The following MMP26 variants were observed in gnomAD, a reference collection of about 807,000 sequenced individuals.
The protein encoded by MMP26 is matrix metallopeptidase 26.
Under a neutral mutation model 31.0 loss-of-function variants are expected in MMP26, and 33 were observed. That is an observed-to-expected ratio of 1.06 (90% CI 0.81 to 1.42). MMP26 has a LOEUF of 1.42. Among genes scored for constraint, MMP26 ranks in the 40% most tolerant of loss-of-function variants. The pLI is 0.00. For synonymous variants in MMP26, 122 were observed against 114.9 expected, an observed-to-expected ratio of 1.06 and a Z score of -0.40; for missense variants, 347 against 316.1, an observed-to-expected ratio of 1.10 and a Z score of -0.74.
rs965392196 is a variant in MMP26 at position 4,895,469 on chromosome 11, G to A, written c.-144-92599G>A. 5.9e-5 allele frequency among the ~76,000 whole-genome samples: 9 copies of A among 152,168 alleles called. No individual in the cohort carries two copies. The East Asian group carries it at 1.2e-3, about 20-fold the overall frequency. On this transcript the variant is annotated intron_variant, in intron 2 of 7. Transcript: ENST00000380390. ...TGTTCTTTGCTGGGGCAGATCATTT[G>A]TTCTGCTGTCAGAGTTATCCTATTT...
chr11:4,794,916 C>A (rs1247298000), intron 2 of MMP26: 1 of 152,194 alleles, frequency 6.6e-6, no homozygotes, highest in African/African-American at 2.4e-5. Context: ...CAACACCCTG[C>A]AAAATGGCAG....
At chr11:4,746,866 C>CAT (rs1848388145) in intron 1 of MMP26, among the ~76,000 whole-genome samples, 1 of 151,444 alleles carries the variant, frequency 6.6e-6, no homozygotes, top group Non-Finnish European at 1.5e-5. Flanking sequence ...CACACACACA[C>CAT]ACACACACAC....
intron 2 of MMP26, among the ~76,000 whole-genome samples, chr11:4,837,702 A>G (rs889069174): frequency 7.9e-5 from 12 of 152,150 alleles, no homozygotes; most frequent in African/African-American, 2.9e-4. Flanking sequence ...ATGTAATTAA[A>G]GTAATAAAAA....
At chr11:4,986,932 C>CTCTCCCTCCCTCT (rs1564819722) in intron 2 of MMP26, among the ~76,000 whole-genome samples, 1 of 60,408 alleles carries the variant, frequency 1.7e-5, no homozygotes, top group East Asian at 4.6e-4. Flanking sequence ...TCTCTCTCTC[C>CTCTCCCTCCCTCT]CTCTCTCTCT....
chr11:4,905,455 G>A (rs10500629), intron 2 of MMP26, among the ~76,000 whole-genome samples: 36,074 of 151,952 alleles, frequency 0.24, 4,689 homozygotes, highest in East Asian at 0.56. Flanking sequence ...ACAAAATACA[G>A]TATGAATTCA....
chr11:4,982,482 G>C (rs937151716), intron 2 of MMP26, among the ~76,000 whole-genome samples: 1 of 152,006 alleles, frequency 6.6e-6, no homozygotes, highest in African/African-American at 2.4e-5. Context: ...AAAATTGCAG[G>C]CTCTGGCAAT....
intron 1 of MMP26, chr11:4,736,747 G>C (rs749684172): frequency 3.9e-5 from 6 of 152,342 alleles, no homozygotes; most frequent in Non-Finnish European, 7.3e-5. Flanking sequence ...AAAGGCCATT[G>C]CCAGAAGCAC....
intron 1 of MMP26, among the ~76,000 whole-genome samples, chr11:4,729,176 T>C (rs1848140677): frequency 6.6e-6 from 1 of 152,118 alleles, no homozygotes; most frequent in South Asian, 2.1e-4. Flanking sequence ...ATCTTCCTAG[T>C]TCATATGTAA....
At chr11:4,921,405 T>C (rs1296357792) in intron 2 of MMP26, among the ~76,000 whole-genome samples, 1 of 151,970 alleles carries the variant, frequency 6.6e-6, no homozygotes, top group Non-Finnish European at 1.5e-5. Context: ...CAAAACAAAA[T>C]AAAATAAAAT....
intron 2 of MMP26, among the ~76,000 whole-genome samples, chr11:4,806,529 A>G (rs1162724343): frequency 6.6e-6 from 1 of 152,060 alleles, no homozygotes; most frequent in African/African-American, 2.4e-5. Flanking sequence ...GTTTTATCAG[A>G]GACTAGGATT....
At chr11:4,723,915 G>A in intron 1 of MMP26, 1 of 990,952 alleles carries the variant, frequency 1.0e-6, no homozygotes, top group Non-Finnish European at 1.6e-6. Context: ...GGGTGCGCAT[G>A]GCCTGGATGT....
intron 2 of MMP26, among the ~76,000 whole-genome samples, chr11:4,985,355 T>A (rs1460217331): frequency 6.6e-6 from 1 of 152,166 alleles, no homozygotes; most frequent in African/African-American, 2.4e-5. Context: ...GGAATAACAA[T>A]CTCTATACCA....
chr11:4,836,591 G>A (rs1849722225), intron 2 of MMP26, among the ~76,000 whole-genome samples: 2 of 145,342 alleles, frequency 1.4e-5, no homozygotes, highest in South Asian at 2.3e-4. Context: ...AAAAACTATT[G>A]TAACAATTTT....
intron 1 of MMP26, among the ~76,000 whole-genome samples, chr11:4,707,152 GT>G (rs1266184488): frequency 6.6e-6 from 1 of 152,102 alleles, no homozygotes; most frequent in Admixed American, 6.6e-5. Flanking sequence ...CTCCAACTGT[GT>G]ACAATAGGTC....
At chr11:4,898,268 A>G in intron 2 of MMP26, among the ~76,000 whole-genome samples, 1 of 152,072 alleles carries the variant, frequency 6.6e-6, no homozygotes, top group East Asian at 1.9e-4. Flanking sequence ...ATTGTTTTTC[A>G]TGAGACATTG....
At chr11:4,743,402 T>A (rs930659968) in intron 1 of MMP26, among the ~76,000 whole-genome samples, 1 of 152,236 alleles carries the variant, frequency 6.6e-6, no homozygotes. Flanking sequence ...GTTTCTATTA[T>A]ATAATAGGGG....
chr11:4,882,858 G>C (rs1850498347), intron 2 of MMP26: 1 of 1,612,930 alleles, frequency 6.2e-7, no homozygotes. Flanking sequence ...TTTAATGTGA[G>C]GGGTCTTAGG....
chr11:4,956,122 A>G (rs1846439895), intron 2 of MMP26, among the ~76,000 whole-genome samples: 2 of 152,216 alleles, frequency 1.3e-5, no homozygotes, highest in Admixed American at 6.5e-5. Context: ...CTATGTGATC[A>G]GTTGCCAAAA....
Position 4,898,823 on chromosome 11 carries a change from CTCTCTCTCTG to C in MMP26, c.-144-89243_-144-89234del, listed in dbSNP as rs1477374375. ...AAATTTAAGAAATCTCTCTCTCTCT[CTCTCTCTCTG>C]TGTGTGTGTGTGTGTGTGTGTGTGT... On this transcript the variant is annotated intron_variant, in intron 2 of 7. Transcript: ENST00000380390. Among the ~76,000 whole-genome samples, 8 of 50,372 alleles carry C rather than the reference CTCTCTCTCTG, an allele frequency of 1.6e-4. No homozygotes were observed. In the South Asian group the frequency reaches 1.7e-3, roughly 11 times the overall value. The allele number at this position is 50,372 out of a possible 152,430, so 33.0% of individuals were successfully genotyped here.
Sources: allele counts gnomAD v4.1 joint callset (sites outside exome capture counted in the v4.1 genomes callset), GRCh38; gene constraint gnomAD v4.1.1; transcripts MANE v1.5; gene names NCBI Gene and HGNC (gene_info 2026-07-23, HGNC 2026-07-21).